The following ANKRD46 variants were observed in gnomAD, a reference collection of about 807,000 sequenced individuals.
ANKRD46 encodes the protein ankyrin repeat domain-containing protein 46.
A neutral mutation model predicts 19.8 loss-of-function variants in ANKRD46; 13 were observed. The ratio of observed to expected loss-of-function variants is 0.66; its 90% CI spans 0.43 to 1.04. The LOEUF (loss-of-function observed/expected upper bound fraction) is 1.04, where lower values mean the gene tolerates loss of function less well. Ranked by LOEUF, ANKRD46 falls within the 50% of genes least tolerant of loss-of-function variation. The pLI is 0.00. For synonymous variants in ANKRD46, 91 were observed against 106.9 expected, an observed-to-expected ratio of 0.85 and a Z score of 0.92; for missense variants, 185 against 274.8, an observed-to-expected ratio of 0.67 and a Z score of 2.31.
At chr8:100,512,129 A>G (rs1458334952) in intron 5 of ANKRD46, among the ~76,000 whole-genome samples, 1 of 152,218 alleles carries the variant, frequency 6.6e-6, no homozygotes, top group African/African-American at 2.4e-5. Flanking sequence ...CTTTATTGTG[A>G]GAATGAATGA....
At position 100,545,103 on chromosome 8, in the gene ANKRD46, T is replaced by G. The variant is rs535063749; in HGVS notation, c.-130-11792A>C. Among the ~76,000 whole-genome samples the G allele has an allele frequency of 1.2e-4, 19 of 152,260 alleles. No homozygotes were observed. The highest frequency in any genetic ancestry group is 4.1e-4 in the African/African-American group (17 of 41,534). On this transcript the variant is annotated intron_variant, in intron 1 of 4. Transcript: ENST00000335659. This position sits in a 1 kb window ranked among gnomAD's most constrained non-coding sequence, Gnocchi z 4.7. The stretch of plus-strand genomic sequence containing the variant: ...ACTTTTGGAGGCAGAGGTGGGAGAA[T>G]TGCTTGAGCCCAGGCATTCGAGACA...
intron 1 of ANKRD46, among the ~76,000 whole-genome samples, chr8:100,542,201 C>T (rs1812187435): frequency 6.6e-6 from 1 of 152,100 alleles, no homozygotes; most frequent in South Asian, 2.1e-4. Flanking sequence ...TCTACATTTA[C>T]CATTTGTACA....
chr8:100,530,046 A>G (rs1244697262), intron 2 of ANKRD46, among the ~76,000 whole-genome samples, 186 bp from the exon 3 acceptor site: 2 of 152,246 alleles, frequency 1.3e-5, no homozygotes, highest in African/African-American at 4.8e-5. Flanking sequence ...TATTTTCTTC[A>G]CATCTGCTGG....
Position 100,527,722 on chromosome 8 carries a change from G to T in ANKRD46, c.470+123C>A. 1 of 953,630 alleles carries T rather than the reference G, an allele frequency of 1.0e-6. No individual in the cohort carries two copies. Among genetic ancestry groups the T allele is most frequent in the Non-Finnish European group, 1.5e-6 (1 of 667,026 alleles). 59.1% of individuals were successfully genotyped at this position (953,630 alleles called of 1,614,324 possible). A position where few individuals can be genotyped will look rare whatever the true frequency, so the allele number is the denominator to read the frequency against. On this transcript the variant is annotated intron_variant, in intron 4 of 4. Transcript: ENST00000335659. This position sits in a 1 kb window ranked among gnomAD's most constrained non-coding sequence, Gnocchi z 4.0. ...CCTTAAAAAATCGTATTATCTTGCT[G>T]GGTGTGGCTACATGTGCCTATAGTC... is the stretch of plus-strand genomic sequence containing the variant.
At chr8:100,548,398 C>G (rs1178950692) in intron 1 of ANKRD46, among the ~76,000 whole-genome samples, 1 of 152,184 alleles carries the variant, frequency 6.6e-6, no homozygotes, top group Non-Finnish European at 1.5e-5. Context: ...GATGGAGAAT[C>G]ACTCAGGTCT....
chr8:100,552,494 C>T (rs1457419065), intron 1 of ANKRD46, among the ~76,000 whole-genome samples: 1 of 152,014 alleles, frequency 6.6e-6, no homozygotes, highest in East Asian at 1.9e-4. Flanking sequence ...CCCTGTCTAC[C>T]TAGACTCCAT....
At position 100,522,651 on chromosome 8, in the gene ANKRD46, C is replaced by T. The variant is rs781612329; in HGVS notation, c.591G>A (p.Leu197=). ...ACAGCAAAGCAATGACGAAGATCAA[C>T]AGCAATACTCTCCAGAAGCCCAGAT... ...VEDLGFWRVL[L]LIFVIALLSL... is the part of the protein sequence containing the mutation. The change falls in exon 5 of 5, where the codon CTG becomes CTA. Residue 197 remains leucine (L), a synonymous_variant. Coordinates refer to ENST00000335659, the MANE Select transcript of ANKRD46 (RefSeq NM_001270377.2). 23 of 1,613,962 alleles carry T rather than the reference C, an allele frequency of 1.4e-5. No individual in the cohort carries two copies. Among genetic ancestry groups the T allele is most frequent in the Non-Finnish European group, 1.5e-5 (18 of 1,180,032 alleles).
At chr8:100,552,187 T>C (rs1360341901) in intron 1 of ANKRD46, among the ~76,000 whole-genome samples, 1 of 151,354 alleles carries the variant, frequency 6.6e-6, no homozygotes, top group Non-Finnish European at 1.5e-5. Context: ...TGTTATTTAA[T>C]GTCTAAGTAT....
At position 100,550,150 on chromosome 8, in the gene ANKRD46, T is replaced by C. The variant is rs567966311; in HGVS notation, c.-131+9561A>G. 3.9e-5 allele frequency among the ~76,000 whole-genome samples: 6 copies of C among 152,368 alleles called. No individual in the cohort carries two copies. In the South Asian group the frequency reaches 1.2e-3, roughly 32 times the overall value. On this transcript the variant is annotated intron_variant, in intron 1 of 4. Coordinates refer to ENST00000335659, the MANE Select transcript of ANKRD46 (RefSeq NM_001270377.2). This position sits in a 1 kb window ranked among gnomAD's most constrained non-coding sequence, Gnocchi z 4.4. ...GAACACCCACATGCAGGTTTTTGTGTGGACAGTTTTTCACTCCTTTGGGTA... is the reference window on the plus strand; with the variant it reads ...GAACACCCACATGCAGGTTTTTGTGCGGACAGTTTTTCACTCCTTTGGGTA...
chr8:100,558,596 T>A (rs941463996), intron 1 of ANKRD46, among the ~76,000 whole-genome samples: 2 of 152,198 alleles, frequency 1.3e-5, no homozygotes, highest in African/African-American at 4.8e-5. Context: ...GGAGTTCATG[T>A]AGGACTCCTG....
chr8:100,521,611 T>G lies in ANKRD46; in HGVS notation c.*944A>C, dbSNP rs1236005384. ...CAGATATGGATGGGATTGTTAAAAG[T>G]CTAACAGGGCCTCCAAATAGGATTG... On this transcript the variant is annotated 3_prime_UTR_variant, in exon 5 of 5. Transcript: ENST00000335659. 1.0e-6 allele frequency: 1 copy of G among 985,330 alleles called. No individual in the cohort carries two copies. The highest frequency in any genetic ancestry group is 1.2e-6 in the Non-Finnish European group (1 of 829,934). 61.0% of individuals were successfully genotyped at this position (985,330 alleles called of 1,614,324 possible).
intron 1 of ANKRD46, among the ~76,000 whole-genome samples, chr8:100,547,422 C>A (rs2130697113): frequency 6.6e-6 from 1 of 152,268 alleles, no homozygotes; most frequent in East Asian, 1.9e-4. Flanking sequence ...CTTTCACCTT[C>A]CACAGGGATT....
At chr8:100,551,741 G>A (rs923909895) in intron 1 of ANKRD46, 5 of 562,142 alleles carry the variant, frequency 8.9e-6, no homozygotes, top group Admixed American at 8.4e-5. Flanking sequence ...GCTTTGAGAA[G>A]AGGATGGTCA....
At chr8:100,556,247 C>T (rs1812496716) in intron 1 of ANKRD46, among the ~76,000 whole-genome samples, 1 of 152,182 alleles carries the variant, frequency 6.6e-6, no homozygotes, top group Non-Finnish European at 1.5e-5. Context: ...TCTTGAACTC[C>T]TGAGCTCAAC....
downstream of ANKRD46, among the ~76,000 whole-genome samples, chr8:100,518,838 C>A (rs1464466832): frequency 1.3e-5 from 2 of 148,600 alleles, no homozygotes; most frequent in Non-Finnish European, 3.0e-5. Context: ...GGCGACAGAG[C>A]GAGACTCTGT....
At position 100,550,916 on chromosome 8, in the gene ANKRD46, GGGCCCTCT is replaced by G. The variant is rs1812374691; in HGVS notation, c.-131+8787_-131+8794del. On this transcript the variant is annotated intron_variant, in intron 1 of 4. Coordinates refer to ENST00000335659, the MANE Select transcript of ANKRD46 (RefSeq NM_001270377.2). The surrounding 1 kb of genome is among the most constrained non-coding windows in gnomAD (Gnocchi z 4.4). ...CAGTGTAGCCCAAGATGCCCTTGAG[GGGCCCTCT>G]GACGCCTGCTTCACCACCTTTTTGA... 2 of 594,566 alleles carry G rather than the reference GGGCCCTCT, an allele frequency of 3.4e-6. No individual in the cohort carries two copies. The highest frequency in any genetic ancestry group is 4.0e-5 in the Admixed American group (2 of 49,638). 36.8% of individuals were successfully genotyped at this position (594,566 alleles called of 1,614,324 possible).
chr8:100,528,701 C>T (rs563892415), intron 3 of ANKRD46, among the ~76,000 whole-genome samples: 38 of 152,098 alleles, frequency 2.5e-4, no homozygotes, highest in Admixed American at 1.2e-3. Context: ...AGCTATTTAG[C>T]GCTAATAATA....
At chr8:100,515,775 A>G (rs1156823781), downstream of ANKRD46, among the ~76,000 whole-genome samples, 1 of 152,018 alleles carries the variant, frequency 6.6e-6, no homozygotes, top group African/African-American at 2.4e-5. Context: ...GAATGGGACC[A>G]CAGTCATTCA....
intron 5 of ANKRD46, among the ~76,000 whole-genome samples, chr8:100,514,267 T>A (rs996002124): frequency 6.6e-6 from 1 of 152,268 alleles, no homozygotes; most frequent in Admixed American, 6.5e-5. Flanking sequence ...CATAAAGGGA[T>A]ACTGTGAAAA....
Sources: gnomAD v4.1 joint callset for allele counts (sites outside exome capture counted in the v4.1 genomes callset) on GRCh38, gnomAD v4.1.1 for gene constraint, Gnocchi (gnomAD v3.1) non-coding constraint, MANE v1.5 for transcripts, NCBI Gene and HGNC (gene_info 2026-07-23, HGNC 2026-07-21) for gene names.